Variants in DHRS4L2 observed in about 807,000 individuals in gnomAD.
The protein encoded by DHRS4L2 is dehydrogenase/reductase 4 like 2.
Under a neutral mutation model 23.9 loss-of-function variants are expected in DHRS4L2, and 22 were observed. The ratio of observed to expected loss-of-function variants is 0.92; its 90% CI spans 0.66 to 1.31. The LOEUF is 1.31. DHRS4L2 is among the 40% of genes most tolerant of loss of function. The pLI, the probability that DHRS4L2 is intolerant of heterozygous loss-of-function variation, is 0.00. For missense variants in DHRS4L2, 385 were observed against 303.3 expected, an observed-to-expected ratio of 1.27 and a Z score of -2.00; for synonymous variants, 141 against 123.7, an observed-to-expected ratio of 1.14 and a Z score of -0.93.
chr14:23,981,671 A>G (rs1409312370), intron 1 of DHRS4L2, among the ~76,000 whole-genome samples: 4 of 151,708 alleles, frequency 2.6e-5, no homozygotes, highest in South Asian at 2.1e-4. Flanking sequence ...CTCAGCATTT[A>G]TTAATTACTA....
chr14:23,990,825 G>C (rs968495276), intron 2 of DHRS4L2: 2 of 417,308 alleles, frequency 4.8e-6, no homozygotes, highest in Non-Finnish European at 6.4e-6. Flanking sequence ...GCAAGGCAAG[G>C]ACTATTCTCT....
intron 2 of DHRS4L2, among the ~76,000 whole-genome samples, chr14:23,993,480 G>T (rs1260202874): frequency 1.3e-5 from 2 of 151,552 alleles, no homozygotes; most frequent in African/African-American, 4.8e-5. Context: ...CAAATCCAGA[G>T]CACAAAGTTG....
At chr14:23,990,135 C>G in intron 1 of DHRS4L2, 47 bp from the exon 2 acceptor site, 1 of 1,602,680 alleles carries the variant, frequency 6.2e-7, no homozygotes, top group Non-Finnish European at 8.5e-7. Context: ...CTGTCGACCT[C>G]TTCCCCTGCA....
At chr14:23,988,383 T>G (rs374680042), upstream of DHRS4L2, among the ~76,000 whole-genome samples, 7 of 146,296 alleles carry the variant, frequency 4.8e-5, no homozygotes, top group South Asian at 2.4e-4. Flanking sequence ...TTGGGCAGAG[T>G]GAAGGGCAGT....
rs189037743 is a variant in DHRS4L2 at position 23,983,063 on chromosome 14, G to A, written c.-175-7119G>A. Among the ~76,000 whole-genome samples, 394 of 151,750 alleles carry A rather than the reference G, an allele frequency of 2.6e-3. 9 individuals are homozygous for A. The highest frequency in any genetic ancestry group is 9.1e-3 in the African/African-American group (378 of 41,422). On this transcript the variant is annotated intron_variant, in intron 1 of 5. Coordinates refer to the DHRS4L2 transcript ENST00000534993. ...GATTAAACTAAAGAGCTTCAGCACA[G>A]CAGAAGAGACTATCGTCAGAGTGAA...
In DHRS4L2 at chr14:23,973,467, G is replaced by A. The variant is rs112651154; in HGVS notation, c.-176+3135G>A. 1.4e-3 allele frequency among the ~76,000 whole-genome samples: 207 copies of A among 152,070 alleles called. 4 individuals carry two copies. Among genetic ancestry groups the A allele is most frequent in the East Asian group, 7.3e-3 (38 of 5,180 alleles). ...CGGCGGGCTGAAGGGCTCCTCAAGC[G>A]TGGCCAGAGTGGGTGCTGAGGCTGA... is the stretch of plus-strand genomic sequence containing the variant. On this transcript the variant is annotated intron_variant, in intron 1 of 5. Transcript: ENST00000534993.
At chr14:23,990,104 G>A (rs1566494237) in intron 1 of DHRS4L2, 78 bp from the exon 2 acceptor site, 1 of 1,580,540 alleles carries the variant, frequency 6.3e-7, no homozygotes, top group Non-Finnish European at 8.6e-7. Context: ...AACCCGGGCA[G>A]TCTTAACTTC....
intron 6 of DHRS4L2, 46 bp downstream of exon 6, chr14:24,001,563 A>G: frequency 6.3e-7 from 1 of 1,577,950 alleles, no homozygotes. Context: ...CTTGAAAGGC[A>G]TCCATCTTCT....
upstream of DHRS4L2, among the ~76,000 whole-genome samples, chr14:23,983,868 C>G (rs540538755): frequency 1.3e-5 from 2 of 151,442 alleles, no homozygotes; most frequent in East Asian, 3.9e-4. Flanking sequence ...ACATCACACA[C>G]CAGGGCCTGT....
chr14:23,973,242 T>C (rs113338230), intron 1 of DHRS4L2, among the ~76,000 whole-genome samples: 8 of 152,052 alleles, frequency 5.3e-5, no homozygotes, highest in Non-Finnish European at 8.8e-5. Context: ...GACAATACCC[T>C]GCTTTCAAGG....
chr14:23,988,658 G>C (rs1212273223), upstream of DHRS4L2: 1 of 589,018 alleles, frequency 1.7e-6, no homozygotes, highest in African/African-American at 1.9e-5. Context: ...AAAGTCTGCG[G>C]GTTCCTGCGG....
At chr14:23,970,729 A>C (rs1163353088) in intron 1 of DHRS4L2, among the ~76,000 whole-genome samples, 1 of 152,030 alleles carries the variant, frequency 6.6e-6, no homozygotes, top group Non-Finnish European at 1.5e-5. Flanking sequence ...GGGCGGAGAG[A>C]CACCTCATAC....
chr14:23,974,385 AAAT>A (rs887959786), intron 1 of DHRS4L2, among the ~76,000 whole-genome samples: 2 of 151,472 alleles, frequency 1.3e-5, no homozygotes, highest in African/African-American at 4.9e-5. Flanking sequence ...AGAAGACAAC[AAAT>A]AATGATGATC....
chr14:23,973,556 A>T (rs1453090055), intron 1 of DHRS4L2, among the ~76,000 whole-genome samples: 1 of 151,922 alleles, frequency 6.6e-6, no homozygotes, highest in Admixed American at 6.5e-5. Flanking sequence ...ATGGAGGAAG[A>T]TCTACAAAAC....
exon 1 of DHRS4L2, chr14:23,970,210 G>A (rs2033822425): frequency 2.2e-6 from 1 of 454,580 alleles, no homozygotes; most frequent in Non-Finnish European, 4.4e-6. Flanking sequence ...TTCCGGCCCT[G>A]CACCCCGGCC....
upstream of DHRS4L2, among the ~76,000 whole-genome samples, chr14:23,987,533 C>T (rs559649474): frequency 1.3e-5 from 2 of 151,602 alleles, no homozygotes; most frequent in African/African-American, 4.8e-5. Flanking sequence ...AACTGGATTT[C>T]ACAAACCAGG....
chr14:23,992,033 C>T (rs186433636), intron 2 of DHRS4L2, among the ~76,000 whole-genome samples: 2 of 151,672 alleles, frequency 1.3e-5, no homozygotes, highest in East Asian at 3.9e-4. Context: ...CTGTGCCCGG[C>T]CATAGCTTCT....
intron 1 of DHRS4L2, among the ~76,000 whole-genome samples, 171 bp from the exon 2 acceptor site, chr14:23,990,011 T>C (rs2034232394): frequency 6.6e-6 from 1 of 151,832 alleles, no homozygotes; most frequent in Non-Finnish European, 1.5e-5. Context: ...AGTAAAGCAG[T>C]GCTAAAAATG....
intron 3 of DHRS4L2, among the ~76,000 whole-genome samples, chr14:23,996,278 C>G (rs1038335401): frequency 2.0e-5 from 3 of 151,468 alleles, no homozygotes; most frequent in Non-Finnish European, 4.4e-5. Flanking sequence ...GACAAACTTA[C>G]CAACTATATC....
Sources: gnomAD v4.1 joint callset for allele counts (sites outside exome capture counted in the v4.1 genomes callset) on GRCh38, gnomAD v4.1.1 for gene constraint, MANE v1.5 for transcripts, NCBI Gene and HGNC (gene_info 2026-07-23, HGNC 2026-07-21) for gene names.